The following CDK14 variants were observed in gnomAD, a reference collection of about 807,000 sequenced individuals.
The protein encoded by CDK14 is cyclin dependent kinase 14.
Under a neutral mutation model 60.7 loss-of-function variants are expected in CDK14, and 34 were observed. The ratio of observed to expected loss-of-function variants is 0.56; its 90% CI spans 0.43 to 0.75. CDK14 has a LOEUF of 0.75. Among genes scored for constraint, CDK14 ranks in the 30% least tolerant of loss-of-function variants. The pLI is 0.00. For missense variants in CDK14, 482 were observed against 564.1 expected (o/e 0.85, Z 1.47); for synonymous variants, 197 against 203.7 (o/e 0.97, Z 0.28).
At chr7:90,799,583 G>A (rs1437025100) in intron 5 of CDK14, among the ~76,000 whole-genome samples, 2 of 150,848 alleles carry the variant, frequency 1.3e-5, no homozygotes, top group African/African-American at 2.4e-5. Flanking sequence ...CCAGCTACTA[G>A]GGAGGCTGAG....
intron 3 of CDK14, among the ~76,000 whole-genome samples, chr7:90,745,026 C>A (rs1188925547): frequency 6.6e-6 from 1 of 152,210 alleles, no homozygotes; most frequent in Admixed American, 6.5e-5. Context: ...TTCCCCTCTC[C>A]CCAATTTGTT....
At chr7:90,596,987 C>T (rs1003722731) in intron 1 of CDK14, among the ~76,000 whole-genome samples, 2 of 152,140 alleles carry the variant, frequency 1.3e-5, no homozygotes, top group Non-Finnish European at 2.9e-5. Flanking sequence ...AGTGCTCGCC[C>T]TTTCGCGCGC....
intron 7 of CDK14, among the ~76,000 whole-genome samples, chr7:90,906,190 A>G (rs1267581188): frequency 1.3e-5 from 2 of 152,160 alleles, no homozygotes; most frequent in African/African-American, 4.8e-5. Flanking sequence ...ATATTTACTA[A>G]GTTAACAGCT....
At chr7:90,699,100 G>A (rs1801728311) in intron 2 of CDK14, among the ~76,000 whole-genome samples, 1 of 152,212 alleles carries the variant, frequency 6.6e-6, no homozygotes, top group Admixed American at 6.5e-5. Flanking sequence ...ATGGAATAGT[G>A]CAAAAGCAAA....
chr7:90,714,133 G>C (rs1802161002), intron 2 of CDK14, among the ~76,000 whole-genome samples: 1 of 152,012 alleles, frequency 6.6e-6, no homozygotes, highest in African/African-American at 2.4e-5. Context: ...TATTGAGTCT[G>C]AGTGGATAAA....
At chr7:90,845,502 T>G (rs538732364) in intron 5 of CDK14, among the ~76,000 whole-genome samples, 1 of 151,960 alleles carries the variant, frequency 6.6e-6, no homozygotes, top group Non-Finnish European at 1.5e-5. Context: ...GTTTTCTTTT[T>G]TTTTTTTTAA....
At chr7:90,905,715 C>A (rs897078900) in intron 7 of CDK14, among the ~76,000 whole-genome samples, 1 of 152,110 alleles carries the variant, frequency 6.6e-6, no homozygotes, top group Non-Finnish European at 1.5e-5. Context: ...CCCTGAGCTA[C>A]ATGATTAATA....
At chr7:90,872,141 G>T (rs1381611199) in intron 6 of CDK14, among the ~76,000 whole-genome samples, 2 of 152,158 alleles carry the variant, frequency 1.3e-5, no homozygotes, top group African/African-American at 4.8e-5. Context: ...GATCTTAGAC[G>T]AGGTAAACCT....
intron 2 of CDK14, chr7:90,709,475 G>T: frequency 6.3e-7 from 1 of 1,588,670 alleles, no homozygotes. Context: ...TTCTTCTGAA[G>T]CAGCCCTGCA....
intron 11 of CDK14, among the ~76,000 whole-genome samples, chr7:91,049,586 G>A (rs79871488): frequency 3.2e-4 from 49 of 152,272 alleles, no homozygotes; most frequent in African/African-American, 1.1e-3. Context: ...GTGTATCTGT[G>A]TAAGAAAAAC....
intron 12 of CDK14, among the ~76,000 whole-genome samples, chr7:91,096,859 A>G (rs1799006929): frequency 3.3e-5 from 5 of 152,180 alleles, no homozygotes; most frequent in Admixed American, 3.3e-4. Flanking sequence ...GTTTTTGCAT[A>G]TGGAGGAGAT....
At chr7:90,810,453 G>T (rs919477089) in intron 5 of CDK14, among the ~76,000 whole-genome samples, 1 of 152,114 alleles carries the variant, frequency 6.6e-6, no homozygotes, top group African/African-American at 2.4e-5. Flanking sequence ...AATAAATTAG[G>T]TATTGATGGG....
At chr7:91,036,670 A>C (rs1796943574) in intron 10 of CDK14, among the ~76,000 whole-genome samples, 1 of 151,964 alleles carries the variant, frequency 6.6e-6, no homozygotes, top group South Asian at 2.1e-4. Context: ...CTTCCTCTTG[A>C]TTTTCCTAAT....
chr7:91,063,051 G>A (rs1012768717), intron 11 of CDK14, among the ~76,000 whole-genome samples: 22 of 152,198 alleles, frequency 1.4e-4, no homozygotes, highest in Non-Finnish European at 4.4e-5. Flanking sequence ...AACTGTCAGT[G>A]GGGCAGAGAA....
intron 5 of CDK14, among the ~76,000 whole-genome samples, chr7:90,799,717 A>G (rs970763965): frequency 2.1e-5 from 3 of 139,690 alleles, no homozygotes; most frequent in Non-Finnish European, 4.7e-5. Flanking sequence ...AAAAAAAAAA[A>G]GCTGAACCTG....
chr7:90,943,375 C>T (rs1793991183), intron 8 of CDK14, among the ~76,000 whole-genome samples: 1 of 151,918 alleles, frequency 6.6e-6, no homozygotes. Flanking sequence ...TAAATAATAA[C>T]AGATTTATAT....
chr7:90,662,465 C>T (rs576850064), intron 2 of CDK14, among the ~76,000 whole-genome samples: 32 of 152,292 alleles, frequency 2.1e-4, no homozygotes, highest in African/African-American at 7.7e-4. Flanking sequence ...GAATCTGTTG[C>T]CTTTGGGGTG....
intron 8 of CDK14, among the ~76,000 whole-genome samples, chr7:90,921,327 T>C (rs1793243362): frequency 1.3e-5 from 2 of 152,100 alleles, no homozygotes; most frequent in African/African-American, 4.8e-5. Flanking sequence ...TTTCTTACCA[T>C]AGAAGTTATA....
At chr7:90,644,975 T>A (rs1800427968) in intron 2 of CDK14, among the ~76,000 whole-genome samples, 1 of 152,228 alleles carries the variant, frequency 6.6e-6, no homozygotes, top group African/African-American at 2.4e-5. Context: ...ATTTTAGACA[T>A]CTTACCGCTA....
Sources: allele counts gnomAD v4.1 joint callset (sites outside exome capture counted in the v4.1 genomes callset), GRCh38; gene constraint gnomAD v4.1.1; transcripts MANE v1.5; gene names NCBI Gene and HGNC (gene_info 2026-07-23, HGNC 2026-07-21).